Variants in CHIC1 observed in about 807,000 individuals in gnomAD.
CHIC1 encodes the protein cysteine rich hydrophobic domain 1, also known as cysteine-rich hydrophobic domain-containing protein 1.
In CHIC1, 7 loss-of-function variants were observed where a neutral mutation model predicts 18.5. The observed-to-expected ratio is 0.38, with a 90% confidence interval of 0.22 to 0.71. The LOEUF is 0.71. Ranked by LOEUF, CHIC1 falls within the 30% of genes least tolerant of loss-of-function variation. The probability of loss-of-function intolerance (pLI) is 0.49; values close to 1 mark genes in which losing one functional copy is unlikely to be tolerated. For synonymous variants in CHIC1, 77 were observed against 73.5 expected, an observed-to-expected ratio of 1.05 and a Z score of -0.25; for missense variants, 159 against 176.9, an observed-to-expected ratio of 0.90 and a Z score of 0.57.
intron 3 of CHIC1, among the ~76,000 whole-genome samples, chrX:73,660,436 G>T (rs1454277511): frequency 3.6e-5 from 4 of 112,095 alleles, no homozygotes; most frequent in African/African-American, 1.3e-4. Flanking sequence ...CAAGGTATGA[G>T]CCCAATAGAG....
At chrX:73,576,304 T>C (rs928115127) in intron 1 of CHIC1, among the ~76,000 whole-genome samples, 1 of 110,928 alleles carries the variant, frequency 9.0e-6, no homozygotes, top group Admixed American at 9.5e-5. Context: ...GTATTGTATG[T>C]AATTATATGT....
At chrX:73,679,445 A>G in intron 4 of CHIC1, 63 bp downstream of exon 4, 2 of 817,081 alleles carry the variant, frequency 2.4e-6, no homozygotes, top group Non-Finnish European at 3.5e-6. Context: ...TTGAAAAATA[A>G]ATACAAAATG....
chrX:73,625,538 C>A (rs1272551464), intron 3 of CHIC1, among the ~76,000 whole-genome samples: 1 of 111,185 alleles, frequency 9.0e-6, no homozygotes. Flanking sequence ...TCCAGCATTC[C>A]CATTAGCTCT....
chrX:73,567,868 T>G (rs1158408011), intron 1 of CHIC1, among the ~76,000 whole-genome samples: 1 of 109,532 alleles, frequency 9.1e-6, no homozygotes, highest in Non-Finnish European at 1.9e-5. Context: ...AATATTCACC[T>G]CCCGTTTCCC....
At chrX:73,663,282 A>G (rs746760596) in intron 3 of CHIC1, among the ~76,000 whole-genome samples, 2 of 111,106 alleles carry the variant, frequency 1.8e-5, no homozygotes, top group Non-Finnish European at 3.8e-5. Flanking sequence ...TAATTGCTCA[A>G]CTAATTCATG....
intron 3 of CHIC1, among the ~76,000 whole-genome samples, chrX:73,640,569 C>A (rs764792892): frequency 1.8e-5 from 2 of 111,631 alleles, no homozygotes; most frequent in Non-Finnish European, 3.8e-5. Flanking sequence ...TTTCTTCCTT[C>A]TTCAGTCTGG....
At position 73,682,852 on chromosome X, in the gene CHIC1, C is replaced by T. The variant is rs988341247; in HGVS notation, c.*1847C>T. 2 of 110,991 alleles carry T rather than the reference C, an allele frequency of 1.8e-5. No individual in the cohort carries two copies. The highest frequency in any genetic ancestry group is 3.8e-5 in the Non-Finnish European group (2 of 52,605). 9.1% of individuals were successfully genotyped at this position (110,991 alleles called of 1,213,427 possible). On this transcript the variant is annotated 3_prime_UTR_variant, in exon 6 of 6. Transcript: ENST00000373502. Reference sequence around the variant, plus strand: ...AAATGTCTTGTTTTGTAGCTAAGGTCGGGAAAAATTGTATCTGAGGTTTAT... The same window carrying T: ...AAATGTCTTGTTTTGTAGCTAAGGTTGGGAAAAATTGTATCTGAGGTTTAT...
rs754195598 is a variant in CHIC1, at chrX:73,659,590, T to C, written c.508-19736T>C. 1.5e-4 allele frequency among the ~76,000 whole-genome samples: 17 copies of C among 110,789 alleles called. No homozygotes were observed. The South Asian group carries it at 6.6e-3, about 43-fold the overall frequency. On this transcript the variant is annotated intron_variant, in intron 3 of 5. Coordinates refer to ENST00000373502, the MANE Select transcript of CHIC1 (RefSeq NM_001039840.4). ...CATGACACTTGCAATTTAAATTAGA[T>C]ATATTGTAATTAGTGATACAAGAGG...
At chrX:73,640,830 C>A (rs1443814632) in intron 3 of CHIC1, among the ~76,000 whole-genome samples, 1 of 111,175 alleles carries the variant, frequency 9.0e-6, no homozygotes, top group Non-Finnish European at 1.9e-5. Flanking sequence ...ATGGTTTTCT[C>A]TAGAATTTCC....
intron 3 of CHIC1, among the ~76,000 whole-genome samples, chrX:73,667,729 C>G (rs2058011002): frequency 1.8e-5 from 2 of 111,467 alleles, no homozygotes; most frequent in South Asian, 7.6e-4. Flanking sequence ...TGCTCTTAGT[C>G]TCATGGAAGA....
chrX:73,601,054 A>G (rs1476485767), intron 3 of CHIC1, among the ~76,000 whole-genome samples: 1 of 107,580 alleles, frequency 9.3e-6, no homozygotes, highest in Admixed American at 9.8e-5. Flanking sequence ...ACCCAGATTC[A>G]TAAAGCAAGT....
chrX:73,619,260 A>G (rs142194529), intron 3 of CHIC1, among the ~76,000 whole-genome samples: 9 of 110,060 alleles, frequency 8.2e-5, no homozygotes, highest in African/African-American at 1.3e-4. Flanking sequence ...AGAGTTCACA[A>G]TGTGAATCTC....
At chrX:73,647,833 A>C (rs1415263406) in intron 3 of CHIC1, among the ~76,000 whole-genome samples, 1 of 112,201 alleles carries the variant, frequency 8.9e-6, no homozygotes, top group East Asian at 2.8e-4. Flanking sequence ...GTTTCTGCCC[A>C]GTGAGGTACA....
chrX:73,614,454 G>A lies in CHIC1; in HGVS notation c.507+29882G>A, dbSNP rs187913351. Among the ~76,000 whole-genome samples the A allele has an allele frequency of 5.4e-5, 6 of 111,067 alleles. No individual in the cohort carries two copies. In the East Asian group the frequency reaches 1.1e-3, roughly 21 times the overall value. ...ATGTTTTCAGCTATTAATTAAGTAG[G>A]TTTCCTATCCCTTTCATTTTCTCTT... is the stretch of plus-strand genomic sequence containing the variant. On this transcript the variant is annotated intron_variant, in intron 3 of 5. Transcript: ENST00000373502.
At chrX:73,601,417 C>T (rs1415200217) in intron 3 of CHIC1, among the ~76,000 whole-genome samples, 6 of 105,427 alleles carry the variant, frequency 5.7e-5, no homozygotes, top group Admixed American at 1.0e-4. Context: ...CACTCAAAAC[C>T]GCTCAACTAC....
chrX:73,670,625 T>C (rs2058025625), intron 3 of CHIC1, among the ~76,000 whole-genome samples: 1 of 111,378 alleles, frequency 9.0e-6, no homozygotes, highest in Non-Finnish European at 1.9e-5. Flanking sequence ...TCATATTCTT[T>C]CTTTCAAATC....
chrX:73,633,242 C>G (rs757444363), intron 3 of CHIC1, among the ~76,000 whole-genome samples: 31 of 108,124 alleles, frequency 2.9e-4, no homozygotes, highest in African/African-American at 9.5e-4. Context: ...ACTGCCCCCC[C>G]ACATTTGTGT....
intron 1 of CHIC1, among the ~76,000 whole-genome samples, chrX:73,576,391 C>T (rs888674285): frequency 7.3e-5 from 8 of 110,061 alleles, no homozygotes; most frequent in African/African-American, 2.6e-4. Flanking sequence ...CATTGTACTA[C>T]GATGTTATGA....
intron 3 of CHIC1, among the ~76,000 whole-genome samples, chrX:73,651,406 C>T (rs1023239668): frequency 9.1e-6 from 1 of 110,347 alleles, no homozygotes; most frequent in Non-Finnish European, 1.9e-5. Flanking sequence ...GAGAAATAAA[C>T]GATATTCAAA....
Sources: gnomAD v4.1 joint callset for allele counts (sites outside exome capture counted in the v4.1 genomes callset) on GRCh38, gnomAD v4.1.1 for gene constraint, MANE v1.5 for transcripts, NCBI Gene and HGNC (gene_info 2026-07-23, HGNC 2026-07-21) for gene names.